ZFHX3: variants seen among roughly 807,000 people sequenced by gnomAD.
ZFHX3 encodes zinc finger homeobox protein 3.
Under a neutral mutation model 279.1 loss-of-function variants are expected in ZFHX3, and 42 were observed. The observed-to-expected ratio is 0.15, with a 90% CI of 0.12 to 0.19. ZFHX3 has a LOEUF of 0.19. ZFHX3 is among the 10% of genes least tolerant of loss of function. The pLI, the probability that ZFHX3 is intolerant of heterozygous loss-of-function variation, is 1.00. For missense variants in ZFHX3, 4,981 were observed against 4,754.0 expected (o/e 1.05, Z -1.40); for synonymous variants, 2,293 against 1,957.8 (o/e 1.17, Z -4.52).
chr16:73,528,071 T>G (rs1381689770), intron 2 of ZFHX3, among the ~76,000 whole-genome samples: 2 of 152,254 alleles, frequency 1.3e-5, no homozygotes, highest in Non-Finnish European at 2.9e-5. Context: ...ACAATTCAAC[T>G]GCTCTACATT....
chr16:73,551,395 T>C (rs181185710), intron 2 of ZFHX3, among the ~76,000 whole-genome samples: 10 of 152,330 alleles, frequency 6.6e-5, no homozygotes, highest in South Asian at 2.1e-4. Flanking sequence ...TATGCATCTG[T>C]TTTGTCTTAA....
At chr16:73,004,063 C>G (rs1288552433) in intron 1 of ZFHX3, among the ~76,000 whole-genome samples, 1 of 150,354 alleles carries the variant, frequency 6.7e-6, no homozygotes, top group Non-Finnish European at 1.5e-5. Context: ...AATGGGCAGC[C>G]TAGATTTATT....
intron 2 of ZFHX3, among the ~76,000 whole-genome samples, chr16:73,566,257 T>C (rs2020449583): frequency 6.6e-6 from 1 of 152,164 alleles, no homozygotes; most frequent in African/African-American, 2.4e-5. Flanking sequence ...TCAGATGGCT[T>C]CTCCTGTTGA....
intron 1 of ZFHX3, among the ~76,000 whole-genome samples, chr16:73,057,547 A>G (rs947420753): frequency 6.6e-6 from 1 of 150,488 alleles, no homozygotes; most frequent in Non-Finnish European, 1.5e-5. Context: ...AAAAAAAAAA[A>G]AAAGAAGAAG....
chr16:73,170,223 G>GT (rs1156523996), intron 5 of ZFHX3, among the ~76,000 whole-genome samples: 20,711 of 56,626 alleles, frequency 0.37, 6,896 homozygotes, highest in Non-Finnish European at 0.47. Flanking sequence ...CCTTTCACTA[G>GT]TTTTTTTTTT....
intron 3 of ZFHX3, among the ~76,000 whole-genome samples, chr16:72,935,982 C>G (rs1334099706): frequency 6.6e-6 from 1 of 152,118 alleles, no homozygotes; most frequent in Non-Finnish European, 1.5e-5. Flanking sequence ...TTTTAGTTGG[C>G]AGAATTTGGG....
At chr16:73,716,757 G>T (rs1394462287) in intron 1 of ZFHX3, among the ~76,000 whole-genome samples, 5 of 152,058 alleles carry the variant, frequency 3.3e-5, no homozygotes, top group Non-Finnish European at 2.9e-5. Flanking sequence ...TTCTGCATTT[G>T]TTCGGCTCCT....
At chr16:73,436,019 G>A (rs1472378377) in intron 3 of ZFHX3, among the ~76,000 whole-genome samples, 1 of 152,208 alleles carries the variant, frequency 6.6e-6, no homozygotes, top group East Asian at 1.9e-4. Context: ...ACACACCTGA[G>A]ACTGGGTAAT....
chr16:72,949,763 A>G (rs1257003336), intron 3 of ZFHX3, among the ~76,000 whole-genome samples: 2 of 150,694 alleles, frequency 1.3e-5, no homozygotes, highest in Non-Finnish European at 3.0e-5. Flanking sequence ...CGGGGAAGAA[A>G]AAAAAAACAC....
At chr16:73,525,364 G>C (rs1162661390) in intron 2 of ZFHX3, among the ~76,000 whole-genome samples, 1 of 152,146 alleles carries the variant, frequency 6.6e-6, no homozygotes, top group African/African-American at 2.4e-5. Context: ...GACGCGATTT[G>C]TTTGCTGGAG....
chr16:73,612,627 A>G (rs2052258820), intron 2 of ZFHX3, among the ~76,000 whole-genome samples: 1 of 152,248 alleles, frequency 6.6e-6, no homozygotes, highest in Non-Finnish European at 1.5e-5. Context: ...TTTAAAAACA[A>G]AACAAAACGA....
At chr16:73,250,495 T>C (rs1395218650) in intron 5 of ZFHX3, among the ~76,000 whole-genome samples, 1 of 152,214 alleles carries the variant, frequency 6.6e-6, no homozygotes, top group Non-Finnish European at 1.5e-5. Flanking sequence ...TGAATAACCA[T>C]CTAGTTGTCC....
chr16:73,174,863 CAAAAAAAAAAAA>C (rs34447211), intron 5 of ZFHX3, among the ~76,000 whole-genome samples: 1 of 86,834 alleles, frequency 1.2e-5, no homozygotes, highest in Non-Finnish European at 2.4e-5. Context: ...ACTAAAAATA[CAAAAAAAAAAAA>C]AAAAAAAAAT....
intron 1 of ZFHX3, among the ~76,000 whole-genome samples, chr16:73,799,906 C>T (rs1035621835): frequency 9.9e-5 from 15 of 152,120 alleles, no homozygotes; most frequent in Non-Finnish European, 5.9e-5. Flanking sequence ...ATAACAACAA[C>T]GACTTAAGGC....
At chr16:73,757,501 C>G (rs1488879171) in intron 1 of ZFHX3, among the ~76,000 whole-genome samples, 1 of 152,134 alleles carries the variant, frequency 6.6e-6, no homozygotes, top group Non-Finnish European at 1.5e-5. Flanking sequence ...TTCTCTCTCC[C>G]CATGAGGACA....
chr16:73,477,679 G>T (rs1380171986), intron 2 of ZFHX3, among the ~76,000 whole-genome samples: 1 of 152,188 alleles, frequency 6.6e-6, no homozygotes, highest in Non-Finnish European at 1.5e-5. Flanking sequence ...CGGTAGGGCA[G>T]CAGCAGTCAC....
chr16:73,125,313 C>A (rs959451719), intron 7 of ZFHX3: 1 of 147,904 alleles, frequency 6.8e-6, no homozygotes, highest in Non-Finnish European at 1.5e-5. Flanking sequence ...TGACATGGAA[C>A]CTACTATGTG....
intron 3 of ZFHX3, among the ~76,000 whole-genome samples, chr16:73,345,896 C>A (rs997562097): frequency 2.0e-5 from 3 of 152,106 alleles, no homozygotes; most frequent in African/African-American, 7.2e-5. Context: ...ACAGATGGGT[C>A]CCTGACTCAG....
intron 5 of ZFHX3, among the ~76,000 whole-genome samples, chr16:73,195,413 ATTTTTT>A (rs9302646): frequency 4.0e-4 from 37 of 93,118 alleles, no homozygotes; most frequent in African/African-American, 1.4e-3. Context: ...TGTCTTTACT[ATTTTTT>A]TTTTTTTTTT....
Sources: allele counts gnomAD v4.1 joint callset (sites outside exome capture counted in the v4.1 genomes callset), GRCh38; gene constraint gnomAD v4.1.1; transcripts MANE v1.5; gene names NCBI Gene and HGNC (gene_info 2026-07-23, HGNC 2026-07-21).